Variants in LSAMP observed in about 807,000 individuals in gnomAD.
The protein encoded by LSAMP is limbic system associated membrane protein, also known as limbic system-associated membrane protein.
In LSAMP, 7 loss-of-function variants were observed where a neutral mutation model predicts 38.6. The ratio of observed to expected loss-of-function variants is 0.18; its 90% CI spans 0.10 to 0.34. LSAMP has a LOEUF of 0.34. Among genes scored for constraint, LSAMP ranks in the 10% least tolerant of loss-of-function variants. LSAMP has a pLI of 1.00. For missense variants in LSAMP, 313 were observed against 420.0 expected, an observed-to-expected ratio of 0.75 and a Z score of 2.23; for synonymous variants, 154 against 166.8, an observed-to-expected ratio of 0.92 and a Z score of 0.59.
At chr3:115,841,675 AT>A (rs2107503685) in intron 6 of LSAMP, 169 bp downstream of exon 6, 8 of 560,034 alleles carry the variant, frequency 1.4e-5, no homozygotes, top group Middle Eastern at 5.0e-4. Flanking sequence ...TGTTCCATTT[AT>A]AAATCTCTGC....
intron 1 of LSAMP, among the ~76,000 whole-genome samples, chr3:116,373,622 A>G (rs2048460303): frequency 6.6e-6 from 1 of 151,866 alleles, no homozygotes; most frequent in Admixed American, 6.6e-5. Flanking sequence ...AATTGGAAAA[A>G]AGTTATGAGA....
At chr3:116,256,418 A>G (rs922553169) in intron 1 of LSAMP, among the ~76,000 whole-genome samples, 14 of 152,306 alleles carry the variant, frequency 9.2e-5, no homozygotes, top group African/African-American at 3.4e-4. Flanking sequence ...ACTCAGGAAA[A>G]AGGACAAGCC....
At chr3:116,307,637 T>C (rs555053974) in intron 1 of LSAMP, among the ~76,000 whole-genome samples, 74 of 151,984 alleles carry the variant, frequency 4.9e-4, no homozygotes, top group African/African-American at 1.8e-3. Context: ...TAGTAAAAGA[T>C]TGGAGACAAC....
chr3:116,051,145 C>T (rs985397357), intron 2 of LSAMP: 1 of 152,180 alleles, frequency 6.6e-6, no homozygotes, highest in African/African-American at 2.4e-5. Context: ...AGAAAGAAAT[C>T]ACTTCAGTAC....
At chr3:116,387,469 G>C (rs749134366) in intron 1 of LSAMP, among the ~76,000 whole-genome samples, 1 of 152,068 alleles carries the variant, frequency 6.6e-6, no homozygotes, top group Admixed American at 6.5e-5. Flanking sequence ...CAGAACCATA[G>C]TCCAAATATC....
intron 3 of LSAMP, among the ~76,000 whole-genome samples, chr3:115,946,315 G>A (rs1000992706): frequency 3.3e-5 from 5 of 152,164 alleles, no homozygotes; most frequent in Admixed American, 3.3e-4. Flanking sequence ...AAAACTTTCT[G>A]TTGGCCGGAA....
intron 1 of LSAMP, among the ~76,000 whole-genome samples, chr3:116,280,099 G>A (rs1435999515): frequency 6.6e-6 from 1 of 152,080 alleles, no homozygotes; most frequent in Non-Finnish European, 1.5e-5. Context: ...CTGGTGTAAC[G>A]TAAGAGAAAA....
intron 3 of LSAMP, among the ~76,000 whole-genome samples, chr3:115,866,436 C>G (rs1373188565): frequency 6.6e-6 from 1 of 152,070 alleles, no homozygotes; most frequent in African/African-American, 2.4e-5. Flanking sequence ...GTCATTTACA[C>G]CCAAAGTTGA....
intron 2 of LSAMP, among the ~76,000 whole-genome samples, chr3:116,028,576 A>G (rs1444466049): frequency 6.6e-6 from 1 of 152,202 alleles, no homozygotes; most frequent in Non-Finnish European, 1.5e-5. Flanking sequence ...AGGCGATATT[A>G]TGGGATTGAC....
chr3:116,263,568 T>C (rs1461124), intron 1 of LSAMP, among the ~76,000 whole-genome samples: 89,278 of 151,346 alleles, frequency 0.59, 30,985 homozygotes, highest in South Asian at 0.78. Context: ...AATATTTTTA[T>C]AGTAACATAT....
intron 1 of LSAMP, among the ~76,000 whole-genome samples, chr3:116,357,925 A>AG (rs201324262): frequency 0.014 from 2,192 of 152,050 alleles, 47 homozygotes; most frequent in African/African-American, 0.049. Flanking sequence ...TAAAAAAAAA[A>AG]AAAAAGAGGT....
chr3:116,062,626 G>T (rs1352960324), intron 2 of LSAMP, among the ~76,000 whole-genome samples: 1 of 152,146 alleles, frequency 6.6e-6, no homozygotes, highest in East Asian at 1.9e-4. Flanking sequence ...GACGGGATCT[G>T]TGCCAGTTAT....
chr3:116,240,467 G>T (rs1212722374), intron 1 of LSAMP, among the ~76,000 whole-genome samples: 2 of 152,178 alleles, frequency 1.3e-5, no homozygotes, highest in Non-Finnish European at 2.9e-5. Flanking sequence ...AGAGATATTA[G>T]TCTGCCAAGC....
intron 4 of LSAMP, among the ~76,000 whole-genome samples, chr3:115,843,110 C>T (rs1399670546): frequency 6.6e-6 from 1 of 152,110 alleles, no homozygotes; most frequent in African/African-American, 2.4e-5. Flanking sequence ...ACAAACAAAA[C>T]TAGGATTAGG....
At chr3:115,968,080 C>A (rs998802737) in intron 3 of LSAMP, among the ~76,000 whole-genome samples, 2 of 152,084 alleles carry the variant, frequency 1.3e-5, no homozygotes, top group Non-Finnish European at 2.9e-5. Context: ...CTGAGACTCT[C>A]CCTTCAGGGA....
intron 3 of LSAMP, among the ~76,000 whole-genome samples, chr3:115,956,481 T>C (rs17697123): frequency 0.15 from 23,280 of 152,016 alleles, 2,174 homozygotes; most frequent in Admixed American, 0.22. Flanking sequence ...TTCTGTACCA[T>C]GGACTTCAAC....
chr3:116,416,370 C>T (rs1172810169), intron 1 of LSAMP, among the ~76,000 whole-genome samples: 2 of 152,058 alleles, frequency 1.3e-5, no homozygotes, highest in Non-Finnish European at 2.9e-5. Context: ...AAGGGAGCAC[C>T]ATGATTAGAG....
chr3:116,302,786 T>A (rs547084820), intron 1 of LSAMP, among the ~76,000 whole-genome samples: 15 of 152,286 alleles, frequency 9.8e-5, no homozygotes, highest in African/African-American at 3.6e-4. Flanking sequence ...AATATTGGGA[T>A]GGATGATGGT....
Position 115,841,953 on chromosome 3 carries a change from C to T in LSAMP, c.811G>A (p.Gly271Ser), listed in dbSNP as rs954928975. Residue 271 changes from glycine (G) to serine (S), a missense_variant, in exon 6 of 7, where the codon GGC (glycine) becomes AGC (serine). Physicochemically the swap from Gly to Ser is moderately conservative, Grantham distance 56. Coordinates refer to ENST00000490035, the MANE Select transcript of LSAMP (RefSeq NM_002338.5). ...TTGGTCACCGTCAGGGAAGACTGGC[C>T]CTCCGTGCTCTTAATCTCAAGGCCA... The part of the protein sequence containing the change: ...ANGLEIKSTE[G>S]QSSLTVTNVT... The T allele has an allele frequency of 3.1e-6, 5 of 1,613,502 alleles. No individual in the cohort carries two copies. Among genetic ancestry groups the T allele is most frequent in the Non-Finnish European group, 4.2e-6 (5 of 1,179,986 alleles).
Sources: gnomAD v4.1 joint callset for allele counts (sites outside exome capture counted in the v4.1 genomes callset) on GRCh38, gnomAD v4.1.1 for gene constraint, MANE v1.5 for transcripts, NCBI Gene and HGNC (gene_info 2026-07-23, HGNC 2026-07-21) for gene names.